MAPK4: variants seen among roughly 807,000 people sequenced by gnomAD.
MAPK4 encodes mitogen-activated protein kinase 4.
Under a neutral mutation model 47.7 loss-of-function variants are expected in MAPK4, and 22 were observed. That is an observed-to-expected ratio of 0.46 (90% CI 0.33 to 0.66). The LOEUF (loss-of-function observed/expected upper bound fraction) is 0.66. MAPK4 is among the 30% of genes least tolerant of loss of function. The pLI is 0.02. For missense variants in MAPK4, 736 were observed against 831.7 expected, an observed-to-expected ratio of 0.88 and a Z score of 1.42; for synonymous variants, 390 against 365.7, an observed-to-expected ratio of 1.07 and a Z score of -0.76.
intron 4 of MAPK4, among the ~76,000 whole-genome samples, chr18:50,724,960 GA>G (rs1314929506): frequency 6.6e-6 from 1 of 152,230 alleles, no homozygotes; most frequent in Admixed American, 6.5e-5. Context: ...TCCTTGCGCT[GA>G]GATAACCCAG....
intron 1 of MAPK4, among the ~76,000 whole-genome samples, chr18:50,633,942 C>T (rs1055037706): frequency 6.6e-6 from 1 of 151,980 alleles, no homozygotes; most frequent in Non-Finnish European, 1.5e-5. Context: ...TAGGTGGGGG[C>T]CTTAGTAAGA....
At chr18:50,695,881 C>T (rs1250641761) in intron 2 of MAPK4, among the ~76,000 whole-genome samples, 2 of 152,192 alleles carry the variant, frequency 1.3e-5, no homozygotes, top group Non-Finnish European at 2.9e-5. Flanking sequence ...CTGACAGCAA[C>T]CCTATGAAGT....
chr18:50,726,324 T>C, intron 5 of MAPK4, 149 bp downstream of exon 5: 1 of 753,178 alleles, frequency 1.3e-6, no homozygotes, highest in East Asian at 2.7e-5. Flanking sequence ...CTTTCTCTTG[T>C]GCCCAGACAC....
intron 2 of MAPK4, among the ~76,000 whole-genome samples, chr18:50,704,144 A>G (rs998275894): frequency 2.0e-5 from 3 of 152,128 alleles, no homozygotes; most frequent in Non-Finnish European, 4.4e-5. Context: ...CTGTATAATG[A>G]GTCTACCTGG....
rs1412247913 is a variant in MAPK4, at chr18:50,714,008, T to C, written c.547-1071T>C. On this transcript the variant is annotated intron_variant, in intron 2 of 5. Transcript: ENST00000400384. ...TCTTTGCTGAACAAATTAAGGGATTTCAGATTAATAGGTCAAAAGCTCCTG... is the reference window on the plus strand; with the variant it reads ...TCTTTGCTGAACAAATTAAGGGATTCCAGATTAATAGGTCAAAAGCTCCTG... 2.6e-5 allele frequency among the ~76,000 whole-genome samples: 4 copies of C among 152,216 alleles called. No individual in the cohort carries two copies. In the East Asian group the frequency reaches 5.8e-4, roughly 22 times the overall value.
intron 2 of MAPK4, among the ~76,000 whole-genome samples, chr18:50,708,023 G>A (rs892540390): frequency 3.3e-5 from 5 of 152,222 alleles, no homozygotes; most frequent in South Asian, 2.1e-4. Flanking sequence ...CTTTAGCTGC[G>A]TAATAGAACG....
At chr18:50,718,250 C>T (rs1322498972) in intron 3 of MAPK4, among the ~76,000 whole-genome samples, 1 of 152,174 alleles carries the variant, frequency 6.6e-6, no homozygotes, top group East Asian at 1.9e-4. Flanking sequence ...GAGACAGTCT[C>T]GTGCTGTCCC....
intron 2 of MAPK4, among the ~76,000 whole-genome samples, chr18:50,684,157 G>A: frequency 6.6e-6 from 1 of 152,202 alleles, no homozygotes; most frequent in East Asian, 1.9e-4. Context: ...TCTGGCTAAT[G>A]TTTTCATTCC....
intron 2 of MAPK4, among the ~76,000 whole-genome samples, chr18:50,709,930 A>G (rs1910258507): frequency 2.0e-5 from 3 of 152,044 alleles, no homozygotes; most frequent in Admixed American, 2.0e-4. Flanking sequence ...CTCTTTGAAG[A>G]CAAGGGATGA....
intron 3 of MAPK4, among the ~76,000 whole-genome samples, chr18:50,718,036 A>C (rs1287710310): frequency 6.6e-6 from 1 of 152,182 alleles, no homozygotes. Context: ...TTGAGACAGA[A>C]TTTTAGATGC....
intron 1 of MAPK4, among the ~76,000 whole-genome samples, chr18:50,659,064 G>A (rs1349109455): frequency 6.6e-6 from 1 of 152,246 alleles, no homozygotes; most frequent in Non-Finnish European, 1.5e-5. Flanking sequence ...GGCTGCTTTT[G>A]TGCTATAAAG....
intron 2 of MAPK4, among the ~76,000 whole-genome samples, chr18:50,686,347 CTT>C (rs548447514): frequency 3.9e-5 from 6 of 152,330 alleles, no homozygotes; most frequent in African/African-American, 1.4e-4. Flanking sequence ...AATGGGAACT[CTT>C]TGGAGAGATT....
chr18:50,634,184 G>A (rs2042858213), intron 1 of MAPK4, among the ~76,000 whole-genome samples: 1 of 152,146 alleles, frequency 6.6e-6, no homozygotes. Flanking sequence ...GCTGAGCGGG[G>A]GTATTCTGAG....
At chr18:50,623,788 C>T (rs563965305) in intron 1 of MAPK4, among the ~76,000 whole-genome samples, 1 of 152,230 alleles carries the variant, frequency 6.6e-6, no homozygotes, top group Non-Finnish European at 1.5e-5. Context: ...AACCTCTTAC[C>T]GTTTTAACAT....
chr18:50,715,675 G>C (rs1301014601), intron 3 of MAPK4, among the ~76,000 whole-genome samples: 1 of 152,176 alleles, frequency 6.6e-6, no homozygotes, highest in African/African-American at 2.4e-5. Flanking sequence ...CATCTATGAA[G>C]TATGGGCCTC....
rs1234966576 is a variant in MAPK4, at chr18:50,729,680, C to T, written c.1590C>T (p.Asp530=). ...CCCCCGGCCGCCCGGCCCCGGTGGA[C>T]GGCGGCGCCAGCCCCCAGTTCGACC... The part of the protein sequence containing the change: ...ASPPGRPAPV[D]GGASPQFDLD... The change falls in exon 6 of 6, where the codon GAC becomes GAT. Residue 530 remains aspartate, a synonymous_variant. Coordinates refer to ENST00000400384, the MANE Select transcript of MAPK4 (RefSeq NM_002747.4). 1 of 1,530,538 alleles carries T rather than the reference C, an allele frequency of 6.5e-7. No homozygotes were observed. 94.8% of individuals were successfully genotyped at this position (1,530,538 alleles called of 1,614,324 possible).
intron 2 of MAPK4, among the ~76,000 whole-genome samples, chr18:50,666,058 A>C (rs899455723): frequency 2.0e-5 from 3 of 152,232 alleles, no homozygotes; most frequent in Middle Eastern, 3.2e-3. Flanking sequence ...GGATGCACAA[A>C]AACTACCTTC....
rs1233254929 is a variant in MAPK4 at position 50,608,724 on chromosome 18, TA to T, written c.-871+48482del. Among the ~76,000 whole-genome samples, 42 of 152,122 alleles carry T rather than the reference TA, an allele frequency of 2.8e-4. 1 individual carries two copies. Among genetic ancestry groups the T allele is most frequent in the East Asian group, 2.5e-3 (13 of 5,176 alleles). The stretch of plus-strand genomic sequence containing the variant: ...TCTTTTTTTTATTTTATTTTATTAT[TA>T]TTTTTGTTTAGTATTTATTGATCAT... On this transcript the variant is annotated intron_variant, in intron 1 of 5. Coordinates refer to ENST00000400384, the MANE Select transcript of MAPK4 (RefSeq NM_002747.4).
intron 1 of MAPK4, among the ~76,000 whole-genome samples, chr18:50,640,138 G>A (rs1288535978): frequency 6.6e-6 from 1 of 152,162 alleles, no homozygotes; most frequent in Non-Finnish European, 1.5e-5. Context: ...ACAGACAGGA[G>A]CAAAAGGGCA....
Sources: allele counts gnomAD v4.1 joint callset (sites outside exome capture counted in the v4.1 genomes callset), GRCh38; gene constraint gnomAD v4.1.1; transcripts MANE v1.5; gene names NCBI Gene and HGNC (gene_info 2026-07-23, HGNC 2026-07-21).